Variants in RAB27A observed in about 807,000 individuals in gnomAD.
RAB27A encodes RAB27A, member RAS oncogene family.
A neutral mutation model predicts 20.8 loss-of-function variants in RAB27A; 17 were observed. That is an observed-to-expected ratio of 0.82 (90% confidence interval 0.56 to 1.23). RAB27A has a LOEUF of 1.23. RAB27A is among the 50% of genes most tolerant of loss of function. The pLI is 0.00. For missense variants in RAB27A, 277 were observed against 266.7 expected, an observed-to-expected ratio of 1.04 and a Z score of -0.27; for synonymous variants, 85 against 92.8, an observed-to-expected ratio of 0.92 and a Z score of 0.48.
At chr15:55,311,838 G>A (rs1048873734) in intron 2 of RAB27A, among the ~76,000 whole-genome samples, 3 of 152,108 alleles carry the variant, frequency 2.0e-5, no homozygotes, top group Admixed American at 1.3e-4. Context: ...TGGGGGGAAC[G>A]TTTCCCATTG....
At chr15:55,245,696 C>G (rs1385361156) in intron 2 of RAB27A, among the ~76,000 whole-genome samples, 1 of 152,198 alleles carries the variant, frequency 6.6e-6, no homozygotes, top group Non-Finnish European at 1.5e-5. Context: ...TAGGAATATT[C>G]CATTTCCCTC....
At chr15:55,302,911 C>A (rs1276466265) in intron 2 of RAB27A, among the ~76,000 whole-genome samples, 6 of 138,852 alleles carry the variant, frequency 4.3e-5, no homozygotes, top group Middle Eastern at 3.8e-3. Flanking sequence ...GGAGCCTCTC[C>A]GCCCGGCAGC....
At chr15:55,228,872 G>C (rs1184571757) in intron 4 of RAB27A, among the ~76,000 whole-genome samples, 160 bp from the exon 5 acceptor site, 1 of 152,204 alleles carries the variant, frequency 6.6e-6, no homozygotes, top group Non-Finnish European at 1.5e-5. Context: ...ACTTATATCA[G>C]TTTAAGTGTT....
At chr15:55,270,364 G>T (rs868240899) in intron 1 of RAB27A, 80 bp from the exon 2 acceptor site, 1 of 152,186 alleles carries the variant, frequency 6.6e-6, no homozygotes, top group Admixed American at 6.5e-5. Flanking sequence ...TGGAAAAGCA[G>T]TTCGCTCCAT....
At chr15:55,275,931 A>AAAAAAAAAAC (rs1897858539) in intron 1 of RAB27A, among the ~76,000 whole-genome samples, 1 of 150,088 alleles carries the variant, frequency 6.7e-6, no homozygotes, top group Non-Finnish European at 1.5e-5. Flanking sequence ...AAAAAAAAAA[A>AAAAAAAAAAC]AAAAAAAAAC....
chr15:55,294,589 G>GAAAAAAAAAAAAA (rs1181179911), upstream of RAB27A, among the ~76,000 whole-genome samples: 35 of 29,178 alleles, frequency 1.2e-3, no homozygotes, highest in Non-Finnish European at 1.8e-3. Flanking sequence ...CCCTGTCTCC[G>GAAAAAAAAAAAAA]AAAAAAAAAA....
intron 2 of RAB27A, among the ~76,000 whole-genome samples, chr15:55,303,099 C>A (rs1341173401): frequency 1.4e-5 from 2 of 139,686 alleles, no homozygotes; most frequent in African/African-American, 2.7e-5. Flanking sequence ...GTCAGCCCCC[C>A]GCCTGGCCAG....
At chr15:55,209,617 C>T (rs1477960294) in intron 6 of RAB27A, among the ~76,000 whole-genome samples, 1 of 151,426 alleles carries the variant, frequency 6.6e-6, no homozygotes, top group Non-Finnish European at 1.5e-5. Context: ...AGAGCAAATA[C>T]CCTTTTGATA....
intron 2 of RAB27A, among the ~76,000 whole-genome samples, chr15:55,241,603 TA>T (rs1566915268): frequency 3.0e-4 from 20 of 66,684 alleles, no homozygotes; most frequent in Admixed American, 1.1e-3. Flanking sequence ...GACCTATTTA[TA>T]TATATATATA....
Position 55,204,302 on chromosome 15 carries a change from C to T in RAB27A, c.*1205G>A, listed in dbSNP as rs971010979. ...GTATGAAGACACTTTGGCAATGCAG[C>T]GGAATAAATGATCTTGGCAAGACCC... On this transcript the variant is annotated 3_prime_UTR_variant, in exon 7 of 7. Coordinates refer to ENST00000336787, the MANE Select transcript of RAB27A (RefSeq NM_183235.3). 4.6e-5 allele frequency: 7 copies of T among 152,212 alleles called. No individual in the cohort carries two copies. The highest frequency in any genetic ancestry group is 1.0e-4 in the Non-Finnish European group (7 of 68,032). 9.4% of individuals were successfully genotyped at this position (152,212 alleles called of 1,614,324 possible). A position where few individuals can be genotyped will look rare whatever the true frequency, so the allele number is the denominator to read the frequency against.
At chr15:55,308,478 A>G (rs1266654168) in intron 2 of RAB27A, among the ~76,000 whole-genome samples, 1 of 152,182 alleles carries the variant, frequency 6.6e-6, no homozygotes, top group Non-Finnish European at 1.5e-5. Context: ...GATTACTTTC[A>G]AGTATTCCAT....
At chr15:55,313,706 T>C (rs2055030619) in intron 2 of RAB27A, among the ~76,000 whole-genome samples, 1 of 152,094 alleles carries the variant, frequency 6.6e-6, no homozygotes, top group South Asian at 2.1e-4. Context: ...AAACCCCGTC[T>C]CCACTAAAAA....
chr15:55,304,913 G>C (rs2054990888), intron 2 of RAB27A, among the ~76,000 whole-genome samples: 1 of 152,160 alleles, frequency 6.6e-6, no homozygotes, highest in South Asian at 2.1e-4. Flanking sequence ...AGTGAAAACG[G>C]AGCTCCCATA....
Position 55,228,842 on chromosome 15 carries a change from A to G in RAB27A, c.240-130T>C, listed in dbSNP as rs976867050. 8 of 719,474 alleles carry G rather than the reference A, an allele frequency of 1.1e-5. No individual in the cohort carries two copies. The African/African-American group carries it at 1.2e-4, about 11-fold the overall frequency. The allele number at this position is 719,474 out of a possible 1,614,324, so 44.6% of individuals were successfully genotyped here. On this transcript the variant is annotated intron_variant, in intron 4 of 6. Coordinates refer to ENST00000336787, the MANE Select transcript of RAB27A (RefSeq NM_183235.3). ...AGCTACATGGTGATATTTCAAAAGT[A>G]TATAGGATAGTTATTTATCACTTAT... is the stretch of plus-strand genomic sequence containing the variant.
intron 3 of RAB27A, 28 bp from the exon 4 acceptor site, chr15:55,230,514 A>G (rs1287015824): frequency 1.3e-6 from 2 of 1,573,706 alleles, no homozygotes; most frequent in Non-Finnish European, 8.7e-7. Context: ...AAGAGAAAAC[A>G]AAAGAGAACT....
chr15:55,275,273 C>CA (rs1010105840), intron 1 of RAB27A, among the ~76,000 whole-genome samples: 3 of 148,900 alleles, frequency 2.0e-5, no homozygotes, highest in Admixed American at 6.7e-5. Flanking sequence ...AAAAAAAAGA[C>CA]AAAAAAAAGT....
intron 5 of RAB27A, among the ~76,000 whole-genome samples, chr15:55,226,371 G>A (rs918888513): frequency 1.1e-4 from 17 of 152,112 alleles, no homozygotes; most frequent in African/African-American, 4.1e-4. Flanking sequence ...GAGTGAGAGG[G>A]AGGGGTCTGC....
intron 2 of RAB27A, among the ~76,000 whole-genome samples, chr15:55,312,136 A>G (rs1769851192): frequency 6.6e-6 from 1 of 152,238 alleles, no homozygotes; most frequent in Non-Finnish European, 1.5e-5. Context: ...GCAAGCCTTC[A>G]GTCCGATCAG....
intron 6 of RAB27A, among the ~76,000 whole-genome samples, chr15:55,220,941 G>C (rs948064513): frequency 6.6e-6 from 1 of 152,150 alleles, no homozygotes; most frequent in African/African-American, 2.4e-5. Flanking sequence ...CTTTCTTCAA[G>C]GGTTTCAATC....
Sources: gnomAD v4.1 joint callset for allele counts (sites outside exome capture counted in the v4.1 genomes callset) on GRCh38, gnomAD v4.1.1 for gene constraint, MANE v1.5 for transcripts, NCBI Gene and HGNC (gene_info 2026-07-23, HGNC 2026-07-21) for gene names.